The following KCMF1 variants were observed in gnomAD, a reference collection of about 807,000 sequenced individuals.
KCMF1 encodes the protein E3 ubiquitin-protein ligase KCMF1.
In KCMF1, 3 loss-of-function variants were observed where a neutral mutation model predicts 41.1. That is an observed-to-expected ratio of 0.07 (90% confidence interval 0.03 to 0.19). The LOEUF is 0.19. Ranked by LOEUF, KCMF1 falls within the 10% of genes least tolerant of loss-of-function variation. The pLI, the probability that KCMF1 is intolerant of heterozygous loss-of-function variation, is 1.00. For synonymous variants in KCMF1, 142 were observed against 164.5 expected (o/e 0.86, Z 1.04); for missense variants, 286 against 488.9 (o/e 0.58, Z 3.91).
intron 1 of KCMF1, among the ~76,000 whole-genome samples, chr2:84,976,085 A>G (rs960034175): frequency 2.0e-5 from 3 of 152,216 alleles, no homozygotes; most frequent in African/African-American, 7.2e-5. Flanking sequence ...GAAACATGCC[A>G]TAAGGAAGGG....
At chr2:85,010,041 A>G (rs986459341) in intron 1 of KCMF1, among the ~76,000 whole-genome samples, 2 of 152,114 alleles carry the variant, frequency 1.3e-5, no homozygotes, top group Non-Finnish European at 2.9e-5. Context: ...TCAGTTACCT[A>G]ATTCTGCTTT....
intron 1 of KCMF1, among the ~76,000 whole-genome samples, chr2:84,987,614 A>G (rs1053192860): frequency 2.0e-5 from 3 of 152,192 alleles, no homozygotes; most frequent in Non-Finnish European, 4.4e-5. Context: ...ATTTAAGGTG[A>G]TGGTAGGCCA....
At chr2:85,029,836 C>T (rs899054962) in intron 2 of KCMF1, among the ~76,000 whole-genome samples, 1 of 151,826 alleles carries the variant, frequency 6.6e-6, no homozygotes, top group Non-Finnish European at 1.5e-5. Flanking sequence ...TGCCCGCCAC[C>T]ATGCCCAGAA....
At chr2:84,975,403 G>A (rs1410579701) in intron 1 of KCMF1, among the ~76,000 whole-genome samples, 1 of 152,132 alleles carries the variant, frequency 6.6e-6, no homozygotes, top group Non-Finnish European at 1.5e-5. Context: ...TTGGGTGATG[G>A]GAAATGAGTT....
rs2103973437 is a variant in KCMF1 at position 84,987,810 on chromosome 2, A to G, written c.16+16343A>G. On this transcript the variant is annotated intron_variant, in intron 1 of 6. Transcript: ENST00000409785. ...AAGCAAGAGCAGAGGAGTCAGGGTC[A>G]GCCCAATCAGAGAGCTAAGAGGAGG... Among the ~76,000 whole-genome samples the G allele has an allele frequency of 2.0e-5, 3 of 152,354 alleles. No homozygotes were observed. In the East Asian group the frequency reaches 5.8e-4, roughly 29 times the overall value.
Position 85,049,351 on chromosome 2 carries a change from C to T in KCMF1, c.602-15C>T. The T allele has an allele frequency of 5.0e-6, 8 of 1,610,256 alleles. No homozygotes were observed. The highest frequency in any genetic ancestry group is 6.8e-6 in the Non-Finnish European group (8 of 1,176,760). On this transcript the variant is annotated splice_polypyrimidine_tract_variant and intron_variant, in intron 5 of 6. Coordinates refer to ENST00000409785, the MANE Select transcript of KCMF1 (RefSeq NM_020122.5). ...GTATTAAGCAGACATTAATTGTCTT[C>T]ATTTCCATTGGCAGAGCTTTTATCT...
chr2:84,973,274 T>G (rs908856865), intron 1 of KCMF1, among the ~76,000 whole-genome samples: 1 of 152,228 alleles, frequency 6.6e-6, no homozygotes, highest in Admixed American at 6.5e-5. Flanking sequence ...AGAAAATTCC[T>G]TCACCCCCAG....
At chr2:85,024,593 TGTGTGTGTGTGTGCGC>T (rs1449746122) in intron 1 of KCMF1, among the ~76,000 whole-genome samples, 4 of 151,936 alleles carry the variant, frequency 2.6e-5, no homozygotes, top group African/African-American at 7.2e-5. Flanking sequence ...AGTGTGTGTG[TGTGTGTGTGTGTGCGC>T]GTGTGTGTGT....
At position 85,017,186 on chromosome 2, in the gene KCMF1, G is replaced by A. The variant is rs1044005064; in HGVS notation, c.17-10703G>A. On this transcript the variant is annotated intron_variant, in intron 1 of 6. Coordinates refer to ENST00000409785, the MANE Select transcript of KCMF1 (RefSeq NM_020122.5). ...ACTACAGGCGCCCGCCACTGCGCCC[G>A]GCTAATTTTTTTTGTATTTTTAGTA... Among the ~76,000 whole-genome samples the A allele has an allele frequency of 4.0e-4, 60 of 151,842 alleles. 1 individual carries two copies. The highest frequency in any genetic ancestry group is 1.0e-3 in the Admixed American group (16 of 15,252).
At chr2:85,028,823 T>C (rs1675185444) in intron 2 of KCMF1, among the ~76,000 whole-genome samples, 1 of 152,162 alleles carries the variant, frequency 6.6e-6, no homozygotes, top group African/African-American at 2.4e-5. Flanking sequence ...TGTCTGTTCA[T>C]CTTAATCATA....
At chr2:85,021,358 T>C (rs1269931047) in intron 1 of KCMF1, among the ~76,000 whole-genome samples, 3 of 152,188 alleles carry the variant, frequency 2.0e-5, no homozygotes, top group Non-Finnish European at 4.4e-5. Flanking sequence ...GCGCGGTGGC[T>C]CACGCGTGTA....
intron 1 of KCMF1, among the ~76,000 whole-genome samples, chr2:84,982,764 A>G (rs961599753): frequency 1.3e-5 from 2 of 152,140 alleles, no homozygotes; most frequent in African/African-American, 4.8e-5. Flanking sequence ...ATGGGAACCC[A>G]GGTAGTTTTC....
At chr2:84,995,210 C>T (rs1007065122) in intron 1 of KCMF1, among the ~76,000 whole-genome samples, 4 of 151,924 alleles carry the variant, frequency 2.6e-5, no homozygotes, top group African/African-American at 9.7e-5. Flanking sequence ...TTAGTGGAGA[C>T]GGGGTTTCAC....
At position 85,056,418 on chromosome 2, in the gene KCMF1, G is replaced by A. The variant is rs961520250; in HGVS notation, c.*3009G>A. On this transcript the variant is annotated 3_prime_UTR_variant, in exon 7 of 7. Coordinates refer to ENST00000409785, the MANE Select transcript of KCMF1 (RefSeq NM_020122.5). ...CTGTGGGCCACAGTTAAAAGAACGG[G>A]TAACAGGTTCAGAGTTCTCTTGATA... The A allele has an allele frequency of 3.3e-5, 5 of 152,096 alleles. No individual in the cohort carries two copies. Among genetic ancestry groups the A allele is most frequent in the African/African-American group, 1.2e-4 (5 of 41,412 alleles). The allele number at this position is 152,096 out of a possible 1,614,324, so 9.4% of individuals were successfully genotyped here.
At position 84,971,517 on chromosome 2, in the gene KCMF1, C is replaced by G. The variant is rs756384386; in HGVS notation, c.16+50C>G. 11 of 1,090,930 alleles carry G rather than the reference C, an allele frequency of 1.0e-5. 1 individual carries two copies. The highest frequency in any genetic ancestry group is 1.3e-5 in the Non-Finnish European group (11 of 871,578). The allele number at this position is 1,090,930 out of a possible 1,614,324, so 67.6% of individuals were successfully genotyped here. A position where few individuals can be genotyped will look rare whatever the true frequency, so the allele number is the denominator to read the frequency against. ...CGCACCTCCCGGGCCTCGGCCTACCCCGCCCGGGCCGGGCGCGGCGGAGGG... is the reference window on the plus strand; with the variant it reads ...CGCACCTCCCGGGCCTCGGCCTACCGCGCCCGGGCCGGGCGCGGCGGAGGG... On this transcript the variant is annotated intron_variant, in intron 1 of 6. Coordinates refer to ENST00000409785, the MANE Select transcript of KCMF1 (RefSeq NM_020122.5).
At chr2:85,008,335 A>AATATGATATATCATATATAATATATC (rs1674545050) in intron 1 of KCMF1, among the ~76,000 whole-genome samples, 8 of 15,002 alleles carry the variant, frequency 5.3e-4, no homozygotes, top group Non-Finnish European at 1.7e-3. Context: ...TATAATATAT[A>AATATGATATATCATATATAATATATC]ATATGATATA....
chr2:84,998,111 G>T (rs1273114298), intron 1 of KCMF1, among the ~76,000 whole-genome samples: 5 of 151,798 alleles, frequency 3.3e-5, no homozygotes, highest in African/African-American at 1.2e-4. Context: ...TTATTTTTGA[G>T]ACGGAGTTTC....
chr2:85,053,126 C>A (rs1675846876), intron 6 of KCMF1, 22 bp from the exon 7 acceptor site: 1 of 1,595,336 alleles, frequency 6.3e-7, no homozygotes, highest in Non-Finnish European at 8.5e-7. Context: ...ACAATAAGGT[C>A]TTTTCTTTTT....
intron 1 of KCMF1, among the ~76,000 whole-genome samples, chr2:84,986,554 C>T (rs1673905253): frequency 1.3e-5 from 2 of 151,890 alleles, no homozygotes; most frequent in South Asian, 2.1e-4. Context: ...ACAGAAGACT[C>T]CCGTATGTTA....
Sources: gnomAD v4.1 joint callset for allele counts (sites outside exome capture counted in the v4.1 genomes callset) on GRCh38, gnomAD v4.1.1 for gene constraint, MANE v1.5 for transcripts, NCBI Gene and HGNC (gene_info 2026-07-23, HGNC 2026-07-21) for gene names.